NCKAP1: variants seen among roughly 807,000 people sequenced by gnomAD.
NCKAP1 encodes the protein nck-associated protein 1.
Under a neutral mutation model 151.2 loss-of-function variants are expected in NCKAP1, and 21 were observed. That is an observed-to-expected ratio of 0.14 (90% CI 0.10 to 0.20). The LOEUF (loss-of-function observed/expected upper bound fraction) is 0.20, where lower values mean the gene tolerates loss of function less well. Among genes scored for constraint, NCKAP1 ranks in the 10% least tolerant of loss-of-function variants. The pLI is 1.00. For missense variants in NCKAP1, 933 were observed against 1,352.1 expected (o/e 0.69, Z 4.86); for synonymous variants, 484 against 451.8 (o/e 1.07, Z -0.90).
At chr2:183,035,096 A>G (rs1199478284) in intron 1 of NCKAP1, among the ~76,000 whole-genome samples, 1 of 152,030 alleles carries the variant, frequency 6.6e-6, no homozygotes, top group African/African-American at 2.4e-5. Context: ...GGGAAACCAT[A>G]TATTTAAAAA....
chr2:183,037,931 T>C (rs1699136955), intron 1 of NCKAP1, 61 bp downstream of exon 1: 2 of 1,313,786 alleles, frequency 1.5e-6, no homozygotes, highest in Non-Finnish European at 2.1e-6. Context: ...ACGGCCTCCC[T>C]TGCCCTTCAT....
chr2:182,978,058 G>A (rs760857440), intron 14 of NCKAP1, among the ~76,000 whole-genome samples: 21 of 151,966 alleles, frequency 1.4e-4, no homozygotes, highest in Admixed American at 2.6e-4. Context: ...GAGATCCTAC[G>A]AATAGAAACT....
In NCKAP1 at chr2:182,920,992, T is replaced by C. The variant is rs541370611; in HGVS notation, c.*4710A>G. The C allele has an allele frequency of 5.5e-4, 84 of 152,320 alleles. No individual in the cohort carries two copies. Among genetic ancestry groups the C allele is most frequent in the Non-Finnish European group, 9.8e-4 (67 of 68,028 alleles). The allele number at this position is 152,320 out of a possible 1,614,324, so 9.4% of individuals were successfully genotyped here. On this transcript the variant is annotated 3_prime_UTR_variant, in exon 31 of 31. Transcript: ENST00000361354. ...ATCACTGAGTAGTGCACAGTTTTAGTCTGTGAGCACGCTTCAGTGAAATTA... is the reference window on the plus strand; with the variant it reads ...ATCACTGAGTAGTGCACAGTTTTAGCCTGTGAGCACGCTTCAGTGAAATTA...
In NCKAP1 at chr2:183,037,971, GC is replaced by G. The variant is rs768373278; in HGVS notation, c.108+20del. ...CCCGGGCCCGCCCGCCTCCGCCGCGGCCTCCCCGGCCCGTGCGCACCTTCTT... is the reference window on the plus strand; with the variant it reads ...CCCGGGCCCGCCCGCCTCCGCCGCGGCTCCCCGGCCCGTGCGCACCTTCTT... On this transcript the variant is annotated intron_variant, in intron 1 of 30. Transcript: ENST00000361354. 5 of 1,559,744 alleles carry G rather than the reference GC, an allele frequency of 3.2e-6. No homozygotes were observed. The Admixed American group carries it at 9.0e-5, about 28-fold the overall frequency.
At position 182,915,332 on chromosome 2, in the gene NCKAP1, T is replaced by C. The variant is rs1283851731; in HGVS notation, c.*10370A>G. On this transcript the variant is annotated 3_prime_UTR_variant, in exon 31 of 31. Coordinates refer to ENST00000361354, the MANE Select transcript of NCKAP1 (RefSeq NM_013436.5). Reference sequence around the variant, plus strand: ...GTATGGTTCACAGCTGAAGAGAGAATAGTTGAGAGTTGAGTGATCTATCCT... The same window carrying C: ...GTATGGTTCACAGCTGAAGAGAGAACAGTTGAGAGTTGAGTGATCTATCCT... The C allele has an allele frequency of 6.6e-6, 1 of 151,980 alleles. No individual in the cohort carries two copies. The highest frequency in any genetic ancestry group is 1.5e-5 in the Non-Finnish European group (1 of 67,958). 9.4% of individuals were successfully genotyped at this position (151,980 alleles called of 1,614,324 possible). A position where few individuals can be genotyped will look rare whatever the true frequency, so the allele number is the denominator to read the frequency against.
At position 182,914,151 on chromosome 2, in the gene NCKAP1, G is replaced by C. The variant is rs535872965; in HGVS notation, c.*11551C>G. 9.9e-5 allele frequency: 15 copies of C among 152,204 alleles called. 1 individual carries two copies. Among genetic ancestry groups the C allele is most frequent in the Admixed American group, 9.8e-4 (15 of 15,268 alleles). The allele number at this position is 152,204 out of a possible 1,614,324, so 9.4% of individuals were successfully genotyped here. A position where few individuals can be genotyped will look rare whatever the true frequency, so the allele number is the denominator to read the frequency against. On this transcript the variant is annotated 3_prime_UTR_variant, in exon 31 of 31. Coordinates refer to ENST00000361354, the MANE Select transcript of NCKAP1 (RefSeq NM_013436.5). ...CTTAAATGAAGTTATAGTTAGGGCA[G>C]GTAATCGTAGACAAGACTAGTTAAA... is the stretch of plus-strand genomic sequence containing the variant.
chr2:182,978,745 G>A (rs1697876792), intron 14 of NCKAP1, 89 bp downstream of exon 14: 1 of 700,992 alleles, frequency 1.4e-6, no homozygotes, highest in Non-Finnish European at 2.2e-6. Flanking sequence ...TAGATCATTA[G>A]CCAAATTAAT....
intron 2 of NCKAP1, among the ~76,000 whole-genome samples, chr2:183,017,834 G>A (rs894994629): frequency 1.3e-5 from 2 of 152,116 alleles, no homozygotes; most frequent in African/African-American, 4.8e-5. Flanking sequence ...AAGTCAAAGA[G>A]GTAAATGTTA....
intron 16 of NCKAP1, 86 bp downstream of exon 16, chr2:182,967,130 G>A: frequency 7.9e-7 from 1 of 1,263,392 alleles, no homozygotes; most frequent in Non-Finnish European, 1.1e-6. Flanking sequence ...ACTGTCTTAA[G>A]GACTATGCTA....
intron 15 of NCKAP1, among the ~76,000 whole-genome samples, chr2:182,972,246 CA>C (rs1371267779): frequency 8.0e-4 from 57 of 71,646 alleles, no homozygotes; most frequent in Non-Finnish European, 1.6e-3. Context: ...AAAAAAAAAA[CA>C]AAACTGATTT....
At chr2:183,033,561 T>C (rs1699045496) in intron 1 of NCKAP1, among the ~76,000 whole-genome samples, 1 of 152,206 alleles carries the variant, frequency 6.6e-6, no homozygotes, top group Admixed American at 6.5e-5. Context: ...TTTACCTCTA[T>C]TTCCCTCATG....
chr2:182,926,664 T>C, intron 30 of NCKAP1, 152 bp downstream of exon 30: 1 of 535,868 alleles, frequency 1.9e-6, no homozygotes, highest in Non-Finnish European at 3.3e-6. Flanking sequence ...ATGAGTGATG[T>C]CAGTCTTCTC....
At chr2:183,016,114 T>C (rs901460695) in intron 2 of NCKAP1, among the ~76,000 whole-genome samples, 3 of 152,138 alleles carry the variant, frequency 2.0e-5, no homozygotes, top group Non-Finnish European at 4.4e-5. Flanking sequence ...ATTCTAAAAA[T>C]AGAAGTTCCC....
chr2:182,951,609 C>G (rs1374435722), intron 23 of NCKAP1, among the ~76,000 whole-genome samples: 3 of 142,574 alleles, frequency 2.1e-5, no homozygotes, highest in Non-Finnish European at 4.5e-5. Flanking sequence ...TGTACTGCAG[C>G]CTGGGCAACA....
chr2:182,971,392 TCA>T (rs1491164287), intron 15 of NCKAP1, among the ~76,000 whole-genome samples: 4 of 63,586 alleles, frequency 6.3e-5, no homozygotes, highest in Non-Finnish European at 9.0e-5. Flanking sequence ...AGACTCCGTC[TCA>T]AAAAAAAAAA....
At chr2:182,971,017 G>C (rs973113170) in intron 15 of NCKAP1, among the ~76,000 whole-genome samples, 3 of 151,976 alleles carry the variant, frequency 2.0e-5, no homozygotes, top group African/African-American at 7.3e-5. Flanking sequence ...AAAAGCCTAT[G>C]AACAAACTTA....
intron 1 of NCKAP1, among the ~76,000 whole-genome samples, chr2:183,027,959 T>C (rs1393150943): frequency 6.6e-6 from 1 of 152,172 alleles, no homozygotes; most frequent in Non-Finnish European, 1.5e-5. Flanking sequence ...TTTTGAAGTA[T>C]CAAATTTTTA....
chr2:182,956,068 G>A (rs983082710), intron 20 of NCKAP1, among the ~76,000 whole-genome samples: 3 of 152,172 alleles, frequency 2.0e-5, no homozygotes, highest in African/African-American at 7.2e-5. Flanking sequence ...TTGAGACAGA[G>A]TCTTGTTCTG....
intron 15 of NCKAP1, among the ~76,000 whole-genome samples, chr2:182,970,282 C>A (rs538339783): frequency 1.3e-5 from 2 of 152,242 alleles, no homozygotes; most frequent in South Asian, 4.1e-4. Flanking sequence ...TACCCTGATA[C>A]CAAAACCAGA....
Sources: gnomAD v4.1 joint callset for allele counts (sites outside exome capture counted in the v4.1 genomes callset) on GRCh38, gnomAD v4.1.1 for gene constraint, MANE v1.5 for transcripts, NCBI Gene and HGNC (gene_info 2026-07-23, HGNC 2026-07-21) for gene names.